DAPK1: variants seen among roughly 807,000 people sequenced by gnomAD.
DAPK1 encodes the protein death associated protein kinase 1.
DAPK1 carries 56 observed loss-of-function variants against 144.9 expected under a neutral mutation model. The observed-to-expected ratio is 0.39, with a 90% confidence interval of 0.31 to 0.48. The LOEUF is 0.48. DAPK1 is among the 20% of genes least tolerant of loss of function. The pLI, the probability that DAPK1 is intolerant of heterozygous loss-of-function variation, is 0.95. For synonymous variants in DAPK1, 690 were observed against 749.0 expected (o/e 0.92, Z 1.29); for missense variants, 1,454 against 1,875.4 (o/e 0.78, Z 4.15).
chr9:87,600,985 C>T (rs1221248885), intron 2 of DAPK1, among the ~76,000 whole-genome samples: 1 of 152,156 alleles, frequency 6.6e-6, no homozygotes, highest in Non-Finnish European at 1.5e-5. Flanking sequence ...ATTTAGGAAT[C>T]CTCACCAGAA....
intron 2 of DAPK1, among the ~76,000 whole-genome samples, chr9:87,552,625 T>C (rs12349270): frequency 0.19 from 28,841 of 151,800 alleles, 4,185 homozygotes; most frequent in African/African-American, 0.39. Context: ...AAGGTCTTGC[T>C]CTGTCACCCA....
intron 16 of DAPK1, 27 bp downstream of exon 16, chr9:87,650,145 C>T (rs894422543): frequency 2.5e-6 from 4 of 1,611,242 alleles, no homozygotes; most frequent in Non-Finnish European, 3.4e-6. Flanking sequence ...GACTCATATG[C>T]ACTGGGAAGT....
intron 2 of DAPK1, among the ~76,000 whole-genome samples, chr9:87,577,389 T>G (rs1827601618): frequency 6.6e-6 from 1 of 152,186 alleles, no homozygotes; most frequent in Non-Finnish European, 1.5e-5. Context: ...TCAGACCTCC[T>G]TGAATCTTAG....
At chr9:87,589,376 G>C (rs2118873283) in intron 2 of DAPK1, among the ~76,000 whole-genome samples, 1 of 152,152 alleles carries the variant, frequency 6.6e-6, no homozygotes, top group Non-Finnish European at 1.5e-5. Flanking sequence ...TATTGTGCTT[G>C]TCCTCCCTTG....
chr9:87,636,520 A>G (rs1301773680), intron 3 of DAPK1, among the ~76,000 whole-genome samples: 2 of 152,228 alleles, frequency 1.3e-5, no homozygotes, highest in East Asian at 3.8e-4. Flanking sequence ...GAGGCTCAGA[A>G]TCTTCATTTT....
rs977594193 is a variant in DAPK1 at position 87,679,073 on chromosome 9, C to T, written c.2002-2331C>T. Among the ~76,000 whole-genome samples the T allele has an allele frequency of 1.2e-4, 18 of 151,852 alleles. 1 individual carries two copies. The highest frequency in any genetic ancestry group is 1.9e-4 in the East Asian group (1 of 5,182). ...GGATTTAGAACTGAAGGAATGGTCC[C>T]GCCAGGTGTAGATCACATGGAGGTG... On this transcript the variant is annotated intron_variant, in intron 19 of 25. Coordinates refer to ENST00000408954, the MANE Select transcript of DAPK1 (RefSeq NM_004938.4).
At chr9:87,652,295 C>CATGCCCCCGA (rs1355869162) in intron 17 of DAPK1, among the ~76,000 whole-genome samples, 8 of 138,598 alleles carry the variant, frequency 5.8e-5, no homozygotes, top group Admixed American at 3.5e-4. Flanking sequence ...ATTCTGTGTC[C>CATGCCCCCGA]TCCCACCTGA....
intron 11 of DAPK1, among the ~76,000 whole-genome samples, chr9:87,645,649 G>A (rs1587805513): frequency 6.6e-6 from 1 of 152,196 alleles, no homozygotes; most frequent in South Asian, 2.1e-4. Flanking sequence ...CTTGGACATT[G>A]TGTCTCTGGG....
chr9:87,568,185 C>T (rs36233192), intron 2 of DAPK1, among the ~76,000 whole-genome samples: 7,077 of 152,308 alleles, frequency 0.046, 573 homozygotes, highest in African/African-American at 0.16. Flanking sequence ...CTGGAGCGCA[C>T]GGGGCCATCT....
intron 2 of DAPK1, among the ~76,000 whole-genome samples, chr9:87,503,886 G>C (rs1563962068): frequency 6.6e-6 from 1 of 152,172 alleles, no homozygotes; most frequent in African/African-American, 2.4e-5. Flanking sequence ...TGGTTTGGAT[G>C]GTCATTGGAA....
intron 18 of DAPK1, chr9:87,667,858 T>C (rs1355921454): frequency 6.6e-6 from 1 of 152,158 alleles, no homozygotes; most frequent in Non-Finnish European, 1.5e-5. Flanking sequence ...AGCTTCTGCC[T>C]CTCAGGGGTG....
At chr9:87,520,419 A>C (rs1825252811) in intron 2 of DAPK1, among the ~76,000 whole-genome samples, 1 of 152,210 alleles carries the variant, frequency 6.6e-6, no homozygotes. Context: ...GGACAGGCAC[A>C]GCTGGAGACA....
intron 2 of DAPK1, among the ~76,000 whole-genome samples, chr9:87,529,302 G>C (rs1021901387): frequency 2.0e-5 from 3 of 152,176 alleles, no homozygotes; most frequent in Non-Finnish European, 4.4e-5. Context: ...AGGCCCCCTT[G>C]GTCGAATTCT....
At position 87,642,075 on chromosome 9, in the gene DAPK1, T is replaced by C; in HGVS notation, c.918+17T>C. The C allele has an allele frequency of 6.2e-7, 1 of 1,608,094 alleles. No individual in the cohort carries two copies. Among genetic ancestry groups the C allele is most frequent in the Non-Finnish European group, 8.5e-7 (1 of 1,174,716 alleles). On this transcript the variant is annotated intron_variant, in intron 10 of 25. Coordinates refer to ENST00000408954, the MANE Select transcript of DAPK1 (RefSeq NM_004938.4). ...AAATGGAAAGTAAGATTGTTTGTTG[T>C]GGAGGGATTAACAAATTCTGTTTCC...
chr9:87,638,487 A>G (rs1407334630), intron 4 of DAPK1, among the ~76,000 whole-genome samples: 5 of 152,176 alleles, frequency 3.3e-5, no homozygotes, highest in Non-Finnish European at 5.9e-5. Flanking sequence ...AATCAAGCAA[A>G]CCAAACTCAG....
At chr9:87,649,796 T>G in intron 15 of DAPK1, 125 bp from the exon 16 acceptor site, 13 of 819,588 alleles carry the variant, frequency 1.6e-5, no homozygotes, top group Non-Finnish European at 2.5e-5. Context: ...CCAATACCTA[T>G]GAGCTCTTTC....
chr9:87,498,766 C>G (rs2270405), intron 1 of DAPK1: 5,100 of 435,288 alleles, frequency 0.012, 183 homozygotes, highest in East Asian at 0.091. Flanking sequence ...CCGTGGTGCC[C>G]GGCCCCACGC....
chr9:87,698,803 C>A lies in DAPK1; in HGVS notation c.2750+9C>A, dbSNP rs910812510. 5.1e-6 allele frequency: 8 copies of A among 1,570,316 alleles called. No individual in the cohort carries two copies. The African/African-American group carries it at 8.1e-5, about 16-fold the overall frequency. ...AAAGAGATTAGGAACAGGTGAGGGG[C>A]AGCCACTTAGTCTCCAGCTCACGGG... On this transcript the variant is annotated intron_variant, in intron 23 of 25. Transcript: ENST00000408954.
chr9:87,635,188 G>A (rs1375269471), intron 3 of DAPK1, among the ~76,000 whole-genome samples: 1 of 152,066 alleles, frequency 6.6e-6, no homozygotes, highest in African/African-American at 2.4e-5. Context: ...AAGCTGGCCA[G>A]AGAAGAGCGG....
Sources: allele counts gnomAD v4.1 joint callset (sites outside exome capture counted in the v4.1 genomes callset), GRCh38; gene constraint gnomAD v4.1.1; transcripts MANE v1.5; gene names NCBI Gene and HGNC (gene_info 2026-07-23, HGNC 2026-07-21).